PPARGC1A: variants seen among roughly 807,000 people sequenced by gnomAD.
The protein encoded by PPARGC1A is PPARG coactivator 1 alpha.
PPARGC1A carries 25 observed loss-of-function variants against 88.7 expected under a neutral mutation model. That is an observed-to-expected ratio of 0.28 (90% CI 0.21 to 0.39). The LOEUF (loss-of-function observed/expected upper bound fraction) is 0.39. PPARGC1A is among the 10% of genes least tolerant of loss of function. The pLI, the probability that PPARGC1A is intolerant of heterozygous loss-of-function variation, is 1.00. For missense variants in PPARGC1A, 880 were observed against 968.7 expected, an observed-to-expected ratio of 0.91 and a Z score of 1.22; for synonymous variants, 363 against 355.6, an observed-to-expected ratio of 1.02 and a Z score of -0.24.
chr4:24,095,266 C>T, the PPARGC1A span, among the ~76,000 whole-genome samples: 1 of 151,830 alleles, frequency 6.6e-6, no homozygotes, highest in Non-Finnish European at 1.5e-5. Flanking sequence ...TACAGGCACA[C>T]ACTACCATGC....
the PPARGC1A span, among the ~76,000 whole-genome samples, chr4:24,453,489 G>A: frequency 6.6e-6 from 1 of 152,180 alleles, no homozygotes; most frequent in Non-Finnish European, 1.5e-5. Flanking sequence ...AATTATAAAA[G>A]TGGCCACTAG....
chr4:24,068,118 C>T, the PPARGC1A span, among the ~76,000 whole-genome samples: 1 of 152,154 alleles, frequency 6.6e-6, no homozygotes, highest in Non-Finnish European at 1.5e-5. Flanking sequence ...TGAATAAGAA[C>T]TCTTTTGTCT....
the PPARGC1A span, among the ~76,000 whole-genome samples, chr4:23,946,303 A>C: frequency 7.9e-5 from 12 of 152,176 alleles, no homozygotes. Context: ...GCCCAGCAAG[A>C]TTAAAGCAGG....
chr4:24,149,903 G>A, the PPARGC1A span, among the ~76,000 whole-genome samples: 1 of 152,162 alleles, frequency 6.6e-6, no homozygotes, highest in African/African-American at 2.4e-5. Flanking sequence ...CCTTACGGGA[G>A]AAGTTGAAAT....
rs184516956 is a variant in PPARGC1A at position 23,859,694 on chromosome 4, T to C, written c.234+25058A>G. Among the ~76,000 whole-genome samples, 294 of 151,516 alleles carry C rather than the reference T, an allele frequency of 1.9e-3. 1 individual carries two copies. Among genetic ancestry groups the C allele is most frequent in the African/African-American group, 5.8e-3 (240 of 41,244 alleles). On this transcript the variant is annotated intron_variant, in intron 2 of 12. Transcript: ENST00000264867. ...TACTCGGGAGGCTGAGGCAAGACAA[T>C]GGCAGGAACCTGGGAGGTGGAGCTT...
the PPARGC1A span, among the ~76,000 whole-genome samples, chr4:24,083,300 G>A: frequency 6.6e-6 from 1 of 152,034 alleles, no homozygotes. Flanking sequence ...TAGACATAAA[G>A]CCCCATGAGC....
At chr4:24,276,856 T>A in the PPARGC1A span, among the ~76,000 whole-genome samples, 1 of 152,012 alleles carries the variant, frequency 6.6e-6, no homozygotes, top group African/African-American at 2.4e-5. Flanking sequence ...CACACGTGAG[T>A]AGACCCAGTC....
At chr4:24,266,337 C>A in the PPARGC1A span, among the ~76,000 whole-genome samples, 308 of 152,218 alleles carry the variant, frequency 2.0e-3, 4 homozygotes, top group African/African-American at 7.1e-3. Context: ...AAAAATGCAG[C>A]TGCTCTGTTA....
At chr4:24,365,829 C>T in the PPARGC1A span, among the ~76,000 whole-genome samples, 1 of 152,072 alleles carries the variant, frequency 6.6e-6, no homozygotes, top group Admixed American at 6.6e-5. Context: ...TTTAGTCAGC[C>T]TCCTATGCAC....
upstream of PPARGC1A, among the ~76,000 whole-genome samples, chr4:23,900,449 T>C (rs544443722): frequency 2.0e-5 from 3 of 152,250 alleles, no homozygotes; most frequent in African/African-American, 7.2e-5. Context: ...TCTACAAAAA[T>C]GGAAATATAA....
chr4:24,081,162 C>T, the PPARGC1A span, among the ~76,000 whole-genome samples: 1 of 152,130 alleles, frequency 6.6e-6, no homozygotes, highest in African/African-American at 2.4e-5. Flanking sequence ...AAAAATGCAT[C>T]TAAGAGTTTT....
At chr4:23,935,874 C>T in the PPARGC1A span, among the ~76,000 whole-genome samples, 1 of 151,050 alleles carries the variant, frequency 6.6e-6, no homozygotes, top group African/African-American at 2.4e-5. Flanking sequence ...AGACATGAAC[C>T]TTAAAAAAAA....
At chr4:24,460,226 C>T in the PPARGC1A span, among the ~76,000 whole-genome samples, 2 of 152,208 alleles carry the variant, frequency 1.3e-5, no homozygotes, top group Non-Finnish European at 2.9e-5. Context: ...TTTAACATAA[C>T]TCCCTAAGTG....
intron 7 of PPARGC1A, among the ~76,000 whole-genome samples, 165 bp downstream of exon 7, chr4:23,824,115 T>A (rs1037925992): frequency 6.6e-6 from 1 of 152,090 alleles, no homozygotes; most frequent in African/African-American, 2.4e-5. Flanking sequence ...TTAGTTTTTT[T>A]TTTTTAAATA....
chr4:24,117,151 T>G, the PPARGC1A span, among the ~76,000 whole-genome samples: 2 of 152,272 alleles, frequency 1.3e-5, no homozygotes, highest in Non-Finnish European at 2.9e-5. Flanking sequence ...AATCCCAAAG[T>G]AATAATATCC....
chr4:24,432,253 T>C, the PPARGC1A span, among the ~76,000 whole-genome samples: 1 of 152,140 alleles, frequency 6.6e-6, no homozygotes. Context: ...TTAATAAGCT[T>C]TGTCTGTGAC....
At chr4:23,984,405 C>T in the PPARGC1A span, among the ~76,000 whole-genome samples, 1 of 152,130 alleles carries the variant, frequency 6.6e-6, no homozygotes. Context: ...AACATCTACT[C>T]AAATGTCTAT....
At chr4:24,245,265 C>A in the PPARGC1A span, among the ~76,000 whole-genome samples, 8 of 152,192 alleles carry the variant, frequency 5.3e-5, no homozygotes, top group Admixed American at 2.6e-4. Flanking sequence ...ACATCATGGG[C>A]CTGTGTGGCC....
the PPARGC1A span, among the ~76,000 whole-genome samples, chr4:23,996,210 T>C: frequency 5.9e-5 from 9 of 152,136 alleles, no homozygotes; most frequent in African/African-American, 1.9e-4. Context: ...TTTCCTATGT[T>C]TTGTCACCTA....
Sources: allele counts gnomAD v4.1 joint callset (sites outside exome capture counted in the v4.1 genomes callset), GRCh38; gene constraint gnomAD v4.1.1; transcripts MANE v1.5; gene names NCBI Gene and HGNC (gene_info 2026-07-23, HGNC 2026-07-21).